Variants in NAV2 observed in about 807,000 individuals in gnomAD.
The protein encoded by NAV2 is neuron navigator 2, also known as helicase, APC down-regulated 1.
In NAV2, 54 loss-of-function variants were observed where a neutral mutation model predicts 223.2. The ratio of observed to expected loss-of-function variants is 0.24; its 90% CI spans 0.19 to 0.30. The LOEUF (loss-of-function observed/expected upper bound fraction) is 0.30, where lower values mean the gene tolerates loss of function less well. NAV2 is among the 10% of genes least tolerant of loss of function. The probability of loss-of-function intolerance (pLI) is 1.00; values close to 1 mark genes in which losing one functional copy is unlikely to be tolerated. For missense variants in NAV2, 2,806 were observed against 3,147.5 expected (o/e 0.89, Z 2.60); for synonymous variants, 1,279 against 1,239.3 (o/e 1.03, Z -0.67).
intron 2 of NAV2, among the ~76,000 whole-genome samples, chr11:19,836,587 G>C (rs549769070): frequency 2.0e-5 from 3 of 148,222 alleles, no homozygotes; most frequent in South Asian, 2.1e-4. Context: ...AAAAAGCTCC[G>C]ATCTGATGAA....
At chr11:20,014,691 C>T (rs1254373360) in intron 11 of NAV2, among the ~76,000 whole-genome samples, 1 of 152,152 alleles carries the variant, frequency 6.6e-6, no homozygotes, top group Non-Finnish European at 1.5e-5. Context: ...CACCTGAGGT[C>T]AGGAGTTCAA....
chr11:19,686,311 C>T (rs762689568), intron 1 of NAV2, among the ~76,000 whole-genome samples: 3 of 152,184 alleles, frequency 2.0e-5, no homozygotes, highest in Non-Finnish European at 4.4e-5. Flanking sequence ...CATCCCTCCC[C>T]CTCCCAGACT....
intron 1 of NAV2, among the ~76,000 whole-genome samples, chr11:19,388,672 C>T (rs979649411): frequency 5.9e-5 from 9 of 151,992 alleles, no homozygotes; most frequent in Non-Finnish European, 1.2e-4. Context: ...TAGAGACTTA[C>T]GAAATAAACG....
intron 1 of NAV2, among the ~76,000 whole-genome samples, chr11:19,679,834 G>A (rs535039600): frequency 2.0e-5 from 3 of 152,314 alleles, no homozygotes; most frequent in South Asian, 4.1e-4. Flanking sequence ...TGGATTTCCA[G>A]TATCTAACAT....
chr11:19,825,894 T>G (rs1306058599), intron 1 of NAV2, among the ~76,000 whole-genome samples: 1 of 152,190 alleles, frequency 6.6e-6, no homozygotes, highest in Non-Finnish European at 1.5e-5. Context: ...ATAAAGTGAA[T>G]CAAAATGAAT....
chr11:19,415,221 G>C lies in NAV2; in HGVS notation c.75+64194G>C, dbSNP rs559563793. On this transcript the variant is annotated intron_variant, in intron 1 of 37. Coordinates refer to the NAV2 transcript ENST00000360655. The stretch of plus-strand genomic sequence containing the variant: ...AGCCAGACTAATAAAAAAGAAAAGA[G>C]AGAAGAGTCAAATAGACACAATAAA... Among the ~76,000 whole-genome samples, 4 of 152,214 alleles carry C rather than the reference G, an allele frequency of 2.6e-5. No homozygotes were observed. The South Asian group carries it at 6.2e-4, about 24-fold the overall frequency.
At chr11:20,009,888 A>G (rs1591644599) in intron 11 of NAV2, among the ~76,000 whole-genome samples, 3 of 152,060 alleles carry the variant, frequency 2.0e-5, no homozygotes. Flanking sequence ...ACCCCACACC[A>G]AAGACCAGAT....
chr11:19,637,404 T>A (rs2047535808), intron 1 of NAV2, among the ~76,000 whole-genome samples: 1 of 152,168 alleles, frequency 6.6e-6, no homozygotes. Flanking sequence ...AGCTCATGAA[T>A]CCCTGACATA....
At chr11:19,467,414 T>C (rs1341033644) in intron 1 of NAV2, among the ~76,000 whole-genome samples, 1 of 152,180 alleles carries the variant, frequency 6.6e-6, no homozygotes, top group African/African-American at 2.4e-5. Context: ...ATAGAGAAGA[T>C]TTTTAGAAGT....
intron 12 of NAV2, among the ~76,000 whole-genome samples, chr11:20,041,284 A>C (rs1006340181): frequency 6.6e-6 from 1 of 152,164 alleles, no homozygotes; most frequent in African/African-American, 2.4e-5. Context: ...CTGCATCTCT[A>C]CTTCCTCACT....
Position 19,838,858 on chromosome 11 carries a change from A to G in NAV2, c.386-4013A>G, listed in dbSNP as rs185528092. ...AGGCTGGTCTGGAACTCCTGGCCTC[A>G]AGTGATCTGCCCACCTCGGCCTCCC... On this transcript the variant is annotated intron_variant, in intron 2 of 37. Coordinates refer to ENST00000349880, the MANE Select transcript of NAV2 (RefSeq NM_145117.5). Among the ~76,000 whole-genome samples, 6 of 152,328 alleles carry G rather than the reference A, an allele frequency of 3.9e-5. No individual in the cohort carries two copies. The East Asian group carries it at 1.2e-3, about 29-fold the overall frequency.
intron 1 of NAV2, among the ~76,000 whole-genome samples, chr11:19,811,875 C>G (rs1022572905): frequency 6.6e-6 from 1 of 152,132 alleles, no homozygotes; most frequent in Non-Finnish European, 1.5e-5. Context: ...ATGTGCTATG[C>G]CCTGGTCTAG....
At chr11:20,112,399 C>CCT (rs1247390669) in intron 36 of NAV2, among the ~76,000 whole-genome samples, 1 of 152,136 alleles carries the variant, frequency 6.6e-6, no homozygotes, top group African/African-American at 2.4e-5. Context: ...GGCAATGAGT[C>CCT]ATAGGAGGCT....
At chr11:19,462,716 G>A (rs1852209926) in intron 1 of NAV2, among the ~76,000 whole-genome samples, 1 of 152,216 alleles carries the variant, frequency 6.6e-6, no homozygotes, top group African/African-American at 2.4e-5. Context: ...CAGGTTTGAG[G>A]AAGAGCATCC....
chr11:19,798,743 C>T (rs937693324), intron 1 of NAV2, among the ~76,000 whole-genome samples: 12 of 151,998 alleles, frequency 7.9e-5, no homozygotes, highest in African/African-American at 2.4e-4. Context: ...AGAGAAAAAC[C>T]GAGGTTCTGA....
intron 3 of NAV2, among the ~76,000 whole-genome samples, chr11:19,844,696 A>G (rs946861959): frequency 2.6e-5 from 4 of 152,200 alleles, no homozygotes. Flanking sequence ...ATTTATTTCC[A>G]TATGCAAATA....
rs146729125 is a variant in NAV2, at chr11:19,948,768, C to G, written c.2333C>G (p.Pro778Arg). 3.2e-5 allele frequency: 52 copies of G among 1,613,252 alleles called. No homozygotes were observed. Among genetic ancestry groups the G allele is most frequent in the Non-Finnish European group, 4.2e-6 (5 of 1,179,580 alleles). Residue 778 changes from proline to arginine, a missense_variant, in exon 10 of 38, where the codon CCC becomes CGC. Around this residue, in one of 4 missense-constraint regions of NAV2, gnomAD observed 1,167 missense variants for 1,180.5 expected, o/e 0.99. Transcript: ENST00000349880. ...GRSILSLTGR[P>R]TPLSWRLGQS... ...AGCATACTCAGCTTGACAGGGAGGC[C>G]CACACCTCTGTCCTGGAGACTGGGC...
intron 1 of NAV2, among the ~76,000 whole-genome samples, chr11:19,376,259 T>A (rs1564887856): frequency 6.6e-6 from 1 of 152,204 alleles, no homozygotes; most frequent in Non-Finnish European, 1.5e-5. Context: ...AACATTAAAG[T>A]GGATTTAAAA....
chr11:19,460,413 ATAAAG>A (rs1288679499), intron 1 of NAV2, among the ~76,000 whole-genome samples: 1 of 152,164 alleles, frequency 6.6e-6, no homozygotes, highest in African/African-American at 2.4e-5. Flanking sequence ...TACCTAACAA[ATAAAG>A]TACTCAGCAT....
Sources: allele counts gnomAD v4.1 joint callset (sites outside exome capture counted in the v4.1 genomes callset), GRCh38; gene constraint gnomAD v4.1.1; regional missense constraint gnomAD v4.1.1; transcripts MANE v1.5; gene names NCBI Gene and HGNC (gene_info 2026-07-23, HGNC 2026-07-21).